The following RPH3A variants were observed in gnomAD, a reference collection of about 807,000 sequenced individuals.
RPH3A encodes the protein rabphilin-3A.
RPH3A carries 48 observed loss-of-function variants against 102.2 expected under a neutral mutation model. That is an observed-to-expected ratio of 0.47 (90% confidence interval 0.37 to 0.60). The LOEUF is 0.60. Ranked by LOEUF, RPH3A falls within the 20% of genes least tolerant of loss-of-function variation. The pLI is 0.00. For synonymous variants in RPH3A, 310 were observed against 324.3 expected, an observed-to-expected ratio of 0.96 and a Z score of 0.47; for missense variants, 781 against 910.1, an observed-to-expected ratio of 0.86 and a Z score of 1.83.
chr12:112,580,354 C>T (rs1221793936), intron 1 of RPH3A, among the ~76,000 whole-genome samples: 1 of 149,572 alleles, frequency 6.7e-6, no homozygotes, highest in Non-Finnish European at 1.5e-5. Flanking sequence ...CCAGGTGAGG[C>T]CATTTTTAAC....
intron 1 of RPH3A, among the ~76,000 whole-genome samples, chr12:112,634,413 A>G (rs1158396873): frequency 4.3e-5 from 6 of 140,856 alleles, no homozygotes; most frequent in East Asian, 4.2e-4. Context: ...AAAGTTAGCC[A>G]GGCGTGGTGG....
At chr12:112,811,537 C>CA (rs1565894686) in intron 2 of RPH3A, among the ~76,000 whole-genome samples, 6 of 148,740 alleles carry the variant, frequency 4.0e-5, no homozygotes, top group South Asian at 2.2e-4. Flanking sequence ...AACCCCCCCC[C>CA]CAAAAAAAAG....
intron 1 of RPH3A, among the ~76,000 whole-genome samples, chr12:112,611,095 T>C (rs756451189): frequency 2.0e-5 from 3 of 152,228 alleles, no homozygotes; most frequent in Admixed American, 6.5e-5. Flanking sequence ...ATAAAACCCT[T>C]GTTCAATGAA....
rs114573394 is a variant in RPH3A, at chr12:112,856,598, T to C, written c.230+8756T>C. Among the ~76,000 whole-genome samples the C allele has an allele frequency of 5.0e-3, 759 of 152,258 alleles. 4 individuals carry two copies. The highest frequency in any genetic ancestry group is 0.017 in the African/African-American group (719 of 41,552). On this transcript the variant is annotated intron_variant, in intron 5 of 21. Transcript: ENST00000389385. ...TGCATGTGTCATCTGTGTGTGTGTG[T>C]GTTTAGAGATAGATAGGCACTTGAG...
chr12:112,805,090 G>A (rs1419855211), intron 2 of RPH3A, among the ~76,000 whole-genome samples: 5 of 151,996 alleles, frequency 3.3e-5, no homozygotes, highest in African/African-American at 9.7e-5. Context: ...CTTATTTAAC[G>A]TTAAAATATA....
chr12:112,688,544 A>G (rs1441209982), intron 1 of RPH3A, among the ~76,000 whole-genome samples: 1 of 152,202 alleles, frequency 6.6e-6, no homozygotes, highest in East Asian at 1.9e-4. Context: ...TGGTGAACAC[A>G]CATACCTGTT....
intron 1 of RPH3A, among the ~76,000 whole-genome samples, chr12:112,633,400 T>A (rs1334345363): frequency 6.6e-6 from 1 of 151,960 alleles, no homozygotes; most frequent in Non-Finnish European, 1.5e-5. Context: ...GGTGATTGAG[T>A]CATGAGGGCT....
chr12:112,662,379 T>TCATC (rs1217808847), intron 1 of RPH3A, among the ~76,000 whole-genome samples: 1 of 152,138 alleles, frequency 6.6e-6, no homozygotes, highest in East Asian at 1.9e-4. Flanking sequence ...GTCCATCCAT[T>TCATC]CATCCATCCA....
intron 1 of RPH3A, among the ~76,000 whole-genome samples, chr12:112,784,167 T>A (rs964228418): frequency 9.2e-5 from 14 of 152,180 alleles, no homozygotes; most frequent in Non-Finnish European, 1.8e-4. Flanking sequence ...AAATGTAGAA[T>A]CTTCCAGCAA....
intron 2 of RPH3A, among the ~76,000 whole-genome samples, chr12:112,810,118 C>T (rs1220365279): frequency 6.6e-6 from 1 of 152,162 alleles, no homozygotes; most frequent in African/African-American, 2.4e-5. Flanking sequence ...AATAAATCTG[C>T]AAAATCTCAA....
intron 1 of RPH3A, among the ~76,000 whole-genome samples, chr12:112,646,427 T>G (rs1171597037): frequency 6.6e-6 from 1 of 152,184 alleles, no homozygotes. Context: ...TGCCTCTTTT[T>G]AAGAGCAAAA....
chr12:112,739,417 G>A (rs767541797), intron 1 of RPH3A, among the ~76,000 whole-genome samples: 1 of 152,132 alleles, frequency 6.6e-6, no homozygotes, highest in African/African-American at 2.4e-5. Context: ...ACGAGGAGCC[G>A]TCACCTGAGC....
At chr12:112,767,994 G>A (rs1398940742) in intron 1 of RPH3A, among the ~76,000 whole-genome samples, 1 of 152,154 alleles carries the variant, frequency 6.6e-6, no homozygotes, top group African/African-American at 2.4e-5. Context: ...TGGATATGGG[G>A]TCTCTTTTGG....
At chr12:112,845,262 C>T (rs2042210989) in intron 4 of RPH3A, among the ~76,000 whole-genome samples, 1 of 152,230 alleles carries the variant, frequency 6.6e-6, no homozygotes. Context: ...TGCTCTACTC[C>T]AGCCTTTTTG....
rs552796020 is a variant in RPH3A, at chr12:112,811,104, T to C, written c.-18-17197T>C. ...TGAACCACATTGCTCCTAGGAGAAA[T>C]ACAGGGTTAGGTTCCTACGAATTTT... is the stretch of plus-strand genomic sequence containing the variant. On this transcript the variant is annotated intron_variant, in intron 2 of 21. Coordinates refer to ENST00000389385, the MANE Select transcript of RPH3A (RefSeq NM_001143854.2). 2.0e-5 allele frequency among the ~76,000 whole-genome samples: 3 copies of C among 152,248 alleles called. 1 individual carries two copies. Among genetic ancestry groups the C allele is most frequent in the African/African-American group, 7.2e-5 (3 of 41,546 alleles).
intron 16 of RPH3A, among the ~76,000 whole-genome samples, chr12:112,884,366 C>T (rs1037851632): frequency 1.3e-5 from 2 of 152,148 alleles, no homozygotes; most frequent in Non-Finnish European, 1.5e-5. Flanking sequence ...TCCTTCTCTC[C>T]CAAGAGCTAG....
intron 1 of RPH3A, among the ~76,000 whole-genome samples, chr12:112,580,394 C>CTTTTTTTTTTTTTTTTTTTTT (rs773931202): frequency 1.3e-5 from 1 of 76,944 alleles, no homozygotes. Context: ...TTTGTCTTGT[C>CTTTTTTTTTTTTTTTTTTTTT]TTTTTTTTTT....
At chr12:112,620,307 G>C (rs895256370) in intron 1 of RPH3A, among the ~76,000 whole-genome samples, 2 of 152,148 alleles carry the variant, frequency 1.3e-5, no homozygotes, top group Non-Finnish European at 2.9e-5. Context: ...GTAGGGATGG[G>C]GTAGATATCC....
intron 1 of RPH3A, among the ~76,000 whole-genome samples, chr12:112,776,361 G>T (rs960040749): frequency 5.3e-5 from 8 of 152,164 alleles, no homozygotes; most frequent in Admixed American, 3.9e-4. Context: ...CTAGTCTATA[G>T]GTTGGCTGGG....
Sources: gnomAD v4.1 joint callset for allele counts (sites outside exome capture counted in the v4.1 genomes callset) on GRCh38, gnomAD v4.1.1 for gene constraint, MANE v1.5 for transcripts, NCBI Gene and HGNC (gene_info 2026-07-23, HGNC 2026-07-21) for gene names.